Variants in NXPE4 observed in about 807,000 individuals in gnomAD.
NXPE4 encodes NXPE family member 4.
Under a neutral mutation model 33.3 loss-of-function variants are expected in NXPE4, and 42 were observed. That is an observed-to-expected ratio of 1.26 (90% CI 0.98 to 1.63). NXPE4 has a LOEUF of 1.63. Ranked by LOEUF, NXPE4 falls within the 40% of genes most tolerant of loss-of-function variation. The pLI, the probability that NXPE4 is intolerant of heterozygous loss-of-function variation, is 0.00. For synonymous variants in NXPE4, 253 were observed against 234.9 expected (o/e 1.08, Z -0.71); for missense variants, 709 against 647.6 (o/e 1.09, Z -1.03).
the NXPE4 span, among the ~76,000 whole-genome samples, chr11:114,608,685 C>A: frequency 1.3e-5 from 2 of 149,642 alleles, no homozygotes; most frequent in East Asian, 2.0e-4. Flanking sequence ...GCATTGCCTC[C>A]CAGGTAACCA....
chr11:114,594,557 C>T (rs1254225383), intron 2 of NXPE4, 107 bp downstream of exon 2: 2 of 730,014 alleles, frequency 2.7e-6, no homozygotes, highest in East Asian at 5.0e-5. Context: ...GCTATTCAAA[C>T]TCCCCTCCTA....
At chr11:114,623,794 A>C in the NXPE4 span, among the ~76,000 whole-genome samples, 5 of 150,046 alleles carry the variant, frequency 3.3e-5, no homozygotes, top group African/African-American at 1.2e-4. Flanking sequence ...CTCTTACCCT[A>C]TGGATAACAA....
chr11:114,626,925 G>C, the NXPE4 span, among the ~76,000 whole-genome samples: 1 of 151,664 alleles, frequency 6.6e-6, no homozygotes, highest in African/African-American at 2.4e-5. Flanking sequence ...ATCAGTGATG[G>C]AAGATGAAAT....
the NXPE4 span, among the ~76,000 whole-genome samples, chr11:114,627,302 C>G: frequency 6.6e-6 from 1 of 152,072 alleles, no homozygotes; most frequent in Admixed American, 6.6e-5. Flanking sequence ...GGAAGCCCAT[C>G]AGACTAACAG....
chr11:114,651,735 A>T, the NXPE4 span, among the ~76,000 whole-genome samples: 8 of 152,148 alleles, frequency 5.3e-5, no homozygotes, highest in Admixed American at 5.2e-4. Context: ...TTACACACAG[A>T]GCGCTGATTG....
the NXPE4 span, among the ~76,000 whole-genome samples, chr11:114,638,020 G>A: frequency 6.6e-6 from 1 of 151,698 alleles, no homozygotes; most frequent in Non-Finnish European, 1.5e-5. Flanking sequence ...TGCCTTGCTA[G>A]ATTGGGGAAG....
chr11:114,581,455 C>A (rs927019153), intron 4 of NXPE4, among the ~76,000 whole-genome samples: 1 of 152,008 alleles, frequency 6.6e-6, no homozygotes, highest in Non-Finnish European at 1.5e-5. Context: ...AAAGAGTTAA[C>A]GTTTAAAGGT....
chr11:114,591,306 T>C (rs1456710321), intron 2 of NXPE4, among the ~76,000 whole-genome samples: 1 of 152,212 alleles, frequency 6.6e-6, no homozygotes. Flanking sequence ...TCCATGCTCA[T>C]GCTACCATTT....
the NXPE4 span, among the ~76,000 whole-genome samples, chr11:114,641,539 G>A: frequency 6.6e-6 from 1 of 152,086 alleles, no homozygotes; most frequent in Non-Finnish European, 1.5e-5. Flanking sequence ...AACTGTACAT[G>A]CAGCTATTAA....
intron 1 of NXPE4, 24 bp downstream of exon 1, chr11:114,595,568 C>A (rs1204600841): frequency 6.6e-6 from 1 of 152,298 alleles, no homozygotes; most frequent in Admixed American, 6.5e-5. Context: ...CCTCACCTTC[C>A]CAATTTTACA....
intron 5 of NXPE4, among the ~76,000 whole-genome samples, chr11:114,572,287 C>A (rs1313130957): frequency 6.6e-6 from 1 of 152,128 alleles, no homozygotes; most frequent in African/African-American, 2.4e-5. Context: ...AAAACCAATT[C>A]TGGTAATATG....
chr11:114,648,615 C>T, the NXPE4 span, among the ~76,000 whole-genome samples: 1 of 152,190 alleles, frequency 6.6e-6, no homozygotes, highest in East Asian at 1.9e-4. Flanking sequence ...TAAAATTAAT[C>T]ATCGTGTCTA....
At chr11:114,586,778 C>A (rs184548990) in intron 2 of NXPE4, among the ~76,000 whole-genome samples, 1 of 152,306 alleles carries the variant, frequency 6.6e-6, no homozygotes, top group East Asian at 1.9e-4. Flanking sequence ...CAAATTTTCT[C>A]CTTTCCTATC....
At chr11:114,578,656 G>A (rs1043943561) in intron 5 of NXPE4, among the ~76,000 whole-genome samples, 1 of 152,162 alleles carries the variant, frequency 6.6e-6, no homozygotes, top group Non-Finnish European at 1.5e-5. Flanking sequence ...GGAAGGCCAG[G>A]ATGGAGCCAC....
At chr11:114,615,602 C>A in the NXPE4 span, among the ~76,000 whole-genome samples, 1 of 148,336 alleles carries the variant, frequency 6.7e-6, no homozygotes, top group Non-Finnish European at 1.5e-5. Flanking sequence ...TTTGCTGCCT[C>A]ATGGGTAACC....
the NXPE4 span, among the ~76,000 whole-genome samples, chr11:114,623,553 C>T: frequency 4.6e-5 from 7 of 151,218 alleles, no homozygotes; most frequent in South Asian, 2.1e-4. Flanking sequence ...GCAGATAATA[C>T]GTATTGCCTC....
chr11:114,641,053 A>G, the NXPE4 span, among the ~76,000 whole-genome samples: 1 of 152,038 alleles, frequency 6.6e-6, no homozygotes, highest in Non-Finnish European at 1.5e-5. Flanking sequence ...AAGACATCAG[A>G]AAGAAGAACC....
At chr11:114,623,039 G>A in the NXPE4 span, among the ~76,000 whole-genome samples, 10 of 151,994 alleles carry the variant, frequency 6.6e-5, no homozygotes, top group African/African-American at 2.4e-4. Flanking sequence ...CCTGTTACCC[G>A]GTGGATAATA....
At chr11:114,629,299 GCA>G in the NXPE4 span, among the ~76,000 whole-genome samples, 1 of 152,034 alleles carries the variant, frequency 6.6e-6, no homozygotes, top group African/African-American at 2.4e-5. Context: ...GAATCCAGCA[GCA>G]CATCAAAAAG....
Sources: gnomAD v4.1 joint callset for allele counts (sites outside exome capture counted in the v4.1 genomes callset) on GRCh38, gnomAD v4.1.1 for gene constraint, MANE v1.5 for transcripts, NCBI Gene and HGNC (gene_info 2026-07-23, HGNC 2026-07-21) for gene names.